TTC1: variants seen among roughly 807,000 people sequenced by gnomAD.
TTC1 encodes tetratricopeptide repeat protein 1.
Under a neutral mutation model 37.6 loss-of-function variants are expected in TTC1, and 31 were observed. That is an observed-to-expected ratio of 0.82 (90% CI 0.62 to 1.11). The LOEUF is 1.11. TTC1 is among the 50% of genes most tolerant of loss of function. The pLI is 0.00. For synonymous variants in TTC1, 127 were observed against 122.4 expected, an observed-to-expected ratio of 1.04 and a Z score of -0.25; for missense variants, 351 against 339.0, an observed-to-expected ratio of 1.04 and a Z score of -0.28.
At chr5:160,052,561 A>AAAC (rs1301374700) in intron 7 of TTC1, among the ~76,000 whole-genome samples, 1 of 151,254 alleles carries the variant, frequency 6.6e-6, no homozygotes, top group Non-Finnish European at 1.5e-5. Flanking sequence ...AAAAAAAAAA[A>AAAC]AAAAAAAAAA....
intron 7 of TTC1, among the ~76,000 whole-genome samples, chr5:160,054,788 G>A (rs1427281111): frequency 6.6e-6 from 1 of 152,074 alleles, no homozygotes; most frequent in Non-Finnish European, 1.5e-5. Flanking sequence ...GCCTTTATGA[G>A]TATATCTAAG....
chr5:160,055,622 T>A (rs1757525587), intron 7 of TTC1, among the ~76,000 whole-genome samples: 1 of 152,250 alleles, frequency 6.6e-6, no homozygotes, highest in African/African-American at 2.4e-5. Context: ...AGATTTAAGA[T>A]GGAGCTCAGC....
intron 2 of TTC1, among the ~76,000 whole-genome samples, chr5:160,022,187 A>T (rs1325931879): frequency 6.6e-6 from 1 of 152,190 alleles, no homozygotes; most frequent in Non-Finnish European, 1.5e-5. Context: ...CTATTTAATA[A>T]TGATAGATGG....
At chr5:160,045,499 CACACACACACACACAT>C (rs1345856724) in intron 5 of TTC1, among the ~76,000 whole-genome samples, 8 of 114,696 alleles carry the variant, frequency 7.0e-5, no homozygotes, top group South Asian at 3.1e-4. Flanking sequence ...CACACACACA[CACACACACACACACAT>C]ACACACTCTC....
intron 2 of TTC1, among the ~76,000 whole-genome samples, chr5:160,029,778 A>G (rs1756874306): frequency 1.3e-5 from 2 of 152,250 alleles, no homozygotes; most frequent in African/African-American, 2.4e-5. Flanking sequence ...AACCTGCAAC[A>G]AAGTTCACCC....
intron 5 of TTC1, among the ~76,000 whole-genome samples, chr5:160,044,021 C>T (rs1049368279): frequency 6.6e-6 from 1 of 152,192 alleles, no homozygotes; most frequent in Non-Finnish European, 1.5e-5. Context: ...AGACAGGTGC[C>T]TTGCCTTTCT....
intron 2 of TTC1, among the ~76,000 whole-genome samples, chr5:160,026,151 G>A (rs1001335221): frequency 1.3e-5 from 2 of 152,148 alleles, no homozygotes; most frequent in East Asian, 3.8e-4. Context: ...TGTTATAGAA[G>A]TATGACAACC....
intron 7 of TTC1, among the ~76,000 whole-genome samples, chr5:160,060,720 A>G (rs1753357640): frequency 6.6e-6 from 1 of 152,216 alleles, no homozygotes; most frequent in South Asian, 2.1e-4. Context: ...GCATGTGCAT[A>G]TATTTAGGAG....
At chr5:160,056,364 C>T (rs1757547605) in intron 7 of TTC1, among the ~76,000 whole-genome samples, 1 of 152,172 alleles carries the variant, frequency 6.6e-6, no homozygotes, top group Non-Finnish European at 1.5e-5. Context: ...TTGTTCACTC[C>T]TGGCCACTAG....
chr5:160,011,326 G>A (rs1300615352), intron 2 of TTC1, among the ~76,000 whole-genome samples: 2 of 152,086 alleles, frequency 1.3e-5, no homozygotes, highest in African/African-American at 4.8e-5. Context: ...GGTTGCAGAG[G>A]TCTTGAGAAA....
intron 2 of TTC1, among the ~76,000 whole-genome samples, chr5:160,032,163 G>A (rs1007058434): frequency 6.6e-6 from 1 of 152,076 alleles, no homozygotes; most frequent in Admixed American, 6.6e-5. Context: ...ACATACACAC[G>A]CTTACTTCAC....
At chr5:160,035,407 C>T (rs1421480383) in intron 3 of TTC1, among the ~76,000 whole-genome samples, 2 of 152,212 alleles carry the variant, frequency 1.3e-5, no homozygotes, top group Admixed American at 6.5e-5. Context: ...TGTCTCTTGG[C>T]ACATGCATAG....
intron 7 of TTC1, among the ~76,000 whole-genome samples, chr5:160,064,717 C>G (rs189266615): frequency 6.6e-6 from 1 of 152,284 alleles, no homozygotes; most frequent in African/African-American, 2.4e-5. Flanking sequence ...CAAGCACAGG[C>G]TGAGGGTGGA....
At chr5:160,034,058 G>A (rs1463821880) in intron 2 of TTC1, among the ~76,000 whole-genome samples, 1 of 151,268 alleles carries the variant, frequency 6.6e-6, no homozygotes, top group Admixed American at 6.6e-5. Context: ...CAAGGTTATA[G>A]TGTGTGTTGA....
At chr5:160,023,351 A>G (rs567908711) in intron 2 of TTC1, among the ~76,000 whole-genome samples, 130 of 147,172 alleles carry the variant, frequency 8.8e-4, no homozygotes, top group African/African-American at 3.2e-3. Context: ...GAGTGCAGTG[A>G]CGCAATCATG....
At chr5:160,049,701 CT>C (rs756939767) in intron 6 of TTC1, 39 bp downstream of exon 6, 1 of 1,443,748 alleles carries the variant, frequency 6.9e-7, no homozygotes, top group African/African-American at 1.5e-5. Context: ...TCCTTCTATT[CT>C]TTGTGTTGCT....
At chr5:160,015,899 G>A (rs1003417360) in intron 2 of TTC1, among the ~76,000 whole-genome samples, 1 of 152,182 alleles carries the variant, frequency 6.6e-6, no homozygotes, top group African/African-American at 2.4e-5. Context: ...TGGAGATAGT[G>A]ACAGAACTGA....
chr5:160,023,877 T>C (rs1756757401), intron 2 of TTC1: 8 of 1,609,470 alleles, frequency 5.0e-6, no homozygotes, highest in African/African-American at 4.0e-5. Context: ...TCCTTTCTTT[T>C]TCTAGAAGGA....
chr5:160,021,343 C>T (rs1482930927), intron 2 of TTC1, among the ~76,000 whole-genome samples: 1 of 152,214 alleles, frequency 6.6e-6, no homozygotes, highest in Admixed American at 6.5e-5. Flanking sequence ...ACATTGACTG[C>T]ATCCAACATC....
Sources: allele counts gnomAD v4.1 joint callset (sites outside exome capture counted in the v4.1 genomes callset), GRCh38; gene constraint gnomAD v4.1.1; transcripts MANE v1.5; gene names NCBI Gene and HGNC (gene_info 2026-07-23, HGNC 2026-07-21).